The following GPC5 variants were observed in gnomAD, a reference collection of about 807,000 sequenced individuals.
The protein encoded by GPC5 is glypican-5.
A neutral mutation model predicts 53.9 loss-of-function variants in GPC5; 47 were observed. That is an observed-to-expected ratio of 0.87 (90% CI 0.69 to 1.11). The LOEUF (loss-of-function observed/expected upper bound fraction) is 1.11, where lower values mean the gene tolerates loss of function less well. Among genes scored for constraint, GPC5 ranks in the 50% most tolerant of loss-of-function variants. The pLI is 0.00. For synonymous variants in GPC5, 286 were observed against 263.3 expected, an observed-to-expected ratio of 1.09 and a Z score of -0.84; for missense variants, 748 against 713.1, an observed-to-expected ratio of 1.05 and a Z score of -0.56.
chr13:92,434,394 GT>G (rs1877218891), intron 7 of GPC5, among the ~76,000 whole-genome samples: 2 of 151,960 alleles, frequency 1.3e-5, no homozygotes, highest in South Asian at 2.1e-4. Context: ...GCAATAGAAT[GT>G]TTTTTTCTTC....
At position 92,558,749 on chromosome 13, in the gene GPC5, A is replaced by G. The variant is rs79266506; in HGVS notation, c.1562-307533A>G. On this transcript the variant is annotated intron_variant, in intron 7 of 7. Coordinates refer to ENST00000377067, the MANE Select transcript of GPC5 (RefSeq NM_004466.6). ...TGCTAACTCTTGGAACATAGCCTAG[A>G]ACAACATTACTATTTAGCACATATA... Among the ~76,000 whole-genome samples the G allele has an allele frequency of 6.4e-3, 979 of 152,102 alleles. 13 individuals are homozygous for G. The highest frequency in any genetic ancestry group is 0.022 in the African/African-American group (919 of 41,514).
intron 6 of GPC5, among the ~76,000 whole-genome samples, chr13:92,103,735 G>C (rs2041484766): frequency 1.3e-5 from 2 of 152,122 alleles, no homozygotes; most frequent in African/African-American, 4.8e-5. Context: ...AGTGTGTGTT[G>C]GGTCACATTT....
chr13:92,041,927 C>T (rs1427813944), intron 6 of GPC5, among the ~76,000 whole-genome samples: 1 of 152,180 alleles, frequency 6.6e-6, no homozygotes, highest in Non-Finnish European at 1.5e-5. Context: ...GTTCTAAGTA[C>T]TGAATCAGAG....
intron 2 of GPC5, among the ~76,000 whole-genome samples, chr13:91,604,318 T>C (rs1394903673): frequency 1.4e-5 from 2 of 147,570 alleles, no homozygotes; most frequent in African/African-American, 5.0e-5. Context: ...TTCCATGGTG[T>C]ATATGTGCCA....
intron 6 of GPC5, among the ~76,000 whole-genome samples, chr13:91,950,106 G>A: frequency 6.6e-6 from 1 of 152,078 alleles, no homozygotes; most frequent in East Asian, 1.9e-4. Flanking sequence ...GGCAGGTACA[G>A]AGTTGGGCCC....
chr13:91,414,821 A>G (rs952223956), intron 1 of GPC5, among the ~76,000 whole-genome samples: 1 of 152,110 alleles, frequency 6.6e-6, no homozygotes, highest in African/African-American at 2.4e-5. Flanking sequence ...AAGTATGGCT[A>G]TTTTCCAACT....
intron 7 of GPC5, among the ~76,000 whole-genome samples, chr13:92,437,723 T>C (rs914339317): frequency 1.3e-5 from 2 of 152,016 alleles, no homozygotes; most frequent in Non-Finnish European, 2.9e-5. Flanking sequence ...CTGGACTCAA[T>C]TGGGTCCTCT....
chr13:92,445,504 C>A (rs1339018331), intron 7 of GPC5, among the ~76,000 whole-genome samples: 2 of 137,214 alleles, frequency 1.5e-5, no homozygotes, highest in African/African-American at 5.5e-5. Context: ...TGTGATGTTC[C>A]CCTTCCTGTG....
chr13:92,606,843 C>T (rs1293812084), intron 7 of GPC5, among the ~76,000 whole-genome samples: 1 of 152,048 alleles, frequency 6.6e-6, no homozygotes, highest in African/African-American at 2.4e-5. Context: ...TGAAGAAATC[C>T]TAAGTCTGGT....
intron 7 of GPC5, among the ~76,000 whole-genome samples, chr13:92,310,214 G>A (rs1253763954): frequency 1.3e-5 from 2 of 151,920 alleles, no homozygotes; most frequent in African/African-American, 4.8e-5. Flanking sequence ...CTTGGCTATT[G>A]TGAATATATT....
At chr13:91,895,078 A>G (rs1269024047) in intron 5 of GPC5, among the ~76,000 whole-genome samples, 1 of 151,634 alleles carries the variant, frequency 6.6e-6, no homozygotes, top group African/African-American at 2.4e-5. Flanking sequence ...AGGCCTCTAC[A>G]AAAAAGAGAG....
intron 7 of GPC5, among the ~76,000 whole-genome samples, chr13:92,373,724 C>A (rs537749562): frequency 1.3e-5 from 2 of 152,286 alleles, no homozygotes; most frequent in Non-Finnish European, 1.5e-5. Flanking sequence ...AAATTGTATA[C>A]ATCACAACAT....
chr13:92,060,039 T>A (rs1462013666), intron 6 of GPC5: 1 of 151,978 alleles, frequency 6.6e-6, no homozygotes, highest in Non-Finnish European at 1.5e-5. Flanking sequence ...AAAATGGAGT[T>A]TTTCATATTT....
At chr13:92,231,792 C>A (rs1331806891) in intron 7 of GPC5, among the ~76,000 whole-genome samples, 2 of 151,976 alleles carry the variant, frequency 1.3e-5, no homozygotes, top group African/African-American at 4.8e-5. Flanking sequence ...ATGGTGAAAC[C>A]CCATCTCTAC....
At chr13:92,291,644 G>A (rs9516048) in intron 7 of GPC5, among the ~76,000 whole-genome samples, 13,169 of 152,170 alleles carry the variant, frequency 0.087, 632 homozygotes, top group Middle Eastern at 0.12. Context: ...GTGGCAACCC[G>A]CTAGGGTCCC....
chr13:92,310,573 A>G (rs1231924340), intron 7 of GPC5, among the ~76,000 whole-genome samples: 1 of 152,156 alleles, frequency 6.6e-6, no homozygotes, highest in Non-Finnish European at 1.5e-5. Context: ...AACTATTTGT[A>G]CACACTCCCG....
chr13:91,416,679 C>A (rs1878253253), intron 1 of GPC5, among the ~76,000 whole-genome samples: 1 of 151,978 alleles, frequency 6.6e-6, no homozygotes, highest in Non-Finnish European at 1.5e-5. Flanking sequence ...TCAGTTCCCA[C>A]CTATGAGTGA....
At chr13:92,826,255 C>T (rs190667100) in intron 7 of GPC5, among the ~76,000 whole-genome samples, 9 of 152,154 alleles carry the variant, frequency 5.9e-5, no homozygotes, top group South Asian at 4.1e-4. Context: ...TCTGGGAGGG[C>T]CTTACTTAAT....
chr13:92,377,476 T>C (rs2043704478), intron 7 of GPC5, among the ~76,000 whole-genome samples: 1 of 152,226 alleles, frequency 6.6e-6, no homozygotes, highest in African/African-American at 2.4e-5. Context: ...AAGTTATAAC[T>C]AGAAAAGTTT....
Sources: allele counts gnomAD v4.1 joint callset (sites outside exome capture counted in the v4.1 genomes callset), GRCh38; gene constraint gnomAD v4.1.1; transcripts MANE v1.5; gene names NCBI Gene and HGNC (gene_info 2026-07-23, HGNC 2026-07-21).